The following CLYBL variants were observed in gnomAD, a reference collection of about 807,000 sequenced individuals.
The protein encoded by CLYBL is citramalyl-CoA lyase, mitochondrial.
In CLYBL, 31 loss-of-function variants were observed where a neutral mutation model predicts 38.9. The ratio of observed to expected loss-of-function variants is 0.80; its 90% CI spans 0.60 to 1.08. The LOEUF is 1.08. Ranked by LOEUF, CLYBL falls within the 50% of genes least tolerant of loss-of-function variation. CLYBL has a pLI of 0.00. For synonymous variants in CLYBL, 171 were observed against 158.6 expected, an observed-to-expected ratio of 1.08 and a Z score of -0.59; for missense variants, 434 against 411.6, an observed-to-expected ratio of 1.05 and a Z score of -0.47.
chr13:99,679,737 G>C (rs1234564451), intron 1 of CLYBL, among the ~76,000 whole-genome samples: 2 of 151,866 alleles, frequency 1.3e-5, no homozygotes, highest in Admixed American at 6.6e-5. Flanking sequence ...GGAGAGGGTG[G>C]GGGGGGAAAT....
At chr13:99,748,074 A>G (rs111813291) in intron 1 of CLYBL, among the ~76,000 whole-genome samples, 2 of 152,286 alleles carry the variant, frequency 1.3e-5, no homozygotes, top group African/African-American at 4.8e-5. Flanking sequence ...AACTGAAACT[A>G]TACCCATTAG....
intron 1 of CLYBL, 77 bp downstream of exon 1, chr13:99,606,834 G>A: frequency 7.7e-7 from 1 of 1,302,068 alleles, no homozygotes; most frequent in Non-Finnish European, 9.7e-7. Flanking sequence ...CCCGCGGGCC[G>A]GGCGCGGCCT....
chr13:99,825,193 G>C (rs1041581166), intron 2 of CLYBL, among the ~76,000 whole-genome samples: 7 of 152,174 alleles, frequency 4.6e-5, no homozygotes, highest in Non-Finnish European at 1.0e-4. Context: ...ACAAGCCCTG[G>C]GGGAGTCTGG....
rs1167805208 is a variant in CLYBL, at chr13:99,875,532, G to A, written c.927+4470G>A. 4.6e-5 allele frequency among the ~76,000 whole-genome samples: 7 copies of A among 152,146 alleles called. No individual in the cohort carries two copies. The South Asian group carries it at 1.0e-3, about 22-fold the overall frequency. On this transcript the variant is annotated intron_variant, in intron 7 of 8. Transcript: ENST00000339105. Reference sequence around the variant, plus strand: ...AAAGAAATATTGCTTGGTCCAGATGGCCTTCTAGAAGCCTCCCTGAGAGAA... The same window carrying A: ...AAAGAAATATTGCTTGGTCCAGATGACCTTCTAGAAGCCTCCCTGAGAGAA...
chr13:99,829,095 G>A (rs1447555209), intron 2 of CLYBL, among the ~76,000 whole-genome samples: 1 of 152,302 alleles, frequency 6.6e-6, no homozygotes, highest in Non-Finnish European at 1.5e-5. Flanking sequence ...CCCAGGTAAC[G>A]CCCTCCAAAA....
At chr13:99,881,961 T>C (rs187148529) in intron 7 of CLYBL, among the ~76,000 whole-genome samples, 14 of 152,362 alleles carry the variant, frequency 9.2e-5, no homozygotes, top group Non-Finnish European at 5.9e-5. Context: ...TAGTTTACTT[T>C]TGCCCAAATT....
chr13:99,675,534 C>T (rs1015074909), intron 1 of CLYBL, among the ~76,000 whole-genome samples: 1 of 152,158 alleles, frequency 6.6e-6, no homozygotes, highest in African/African-American at 2.4e-5. Flanking sequence ...CCTTTTCCCC[C>T]AAAACCCTCA....
chr13:99,616,016 T>G (rs1464706898), intron 1 of CLYBL, among the ~76,000 whole-genome samples: 1 of 152,050 alleles, frequency 6.6e-6, no homozygotes, highest in African/African-American at 2.4e-5. Flanking sequence ...TTATTTTTAT[T>G]TTTTATTTTT....
At chr13:99,696,009 A>G (rs1262027059) in intron 1 of CLYBL, among the ~76,000 whole-genome samples, 4 of 152,186 alleles carry the variant, frequency 2.6e-5, no homozygotes, top group Admixed American at 6.5e-5. Flanking sequence ...AACAAAGAAC[A>G]AAGAAAGCCT....
intron 1 of CLYBL, among the ~76,000 whole-genome samples, chr13:99,681,456 C>T (rs1417149338): frequency 6.6e-6 from 1 of 151,924 alleles, no homozygotes; most frequent in Non-Finnish European, 1.5e-5. Flanking sequence ...TGTATTTATA[C>T]ATATGGAGAG....
intron 1 of CLYBL, among the ~76,000 whole-genome samples, chr13:99,754,416 CAAAA>C (rs1172376194): frequency 1.7e-4 from 12 of 71,882 alleles, no homozygotes; most frequent in South Asian, 5.6e-4. Flanking sequence ...GACCCTGTCT[CAAAA>C]AAAAAAAAAA....
intron 1 of CLYBL, among the ~76,000 whole-genome samples, chr13:99,761,563 T>C (rs138016207): frequency 2.4e-4 from 37 of 152,348 alleles, no homozygotes; most frequent in African/African-American, 8.9e-4. Flanking sequence ...AGTTTCTTTA[T>C]GCATTGATAG....
At chr13:99,612,011 G>A (rs2046633526) in intron 1 of CLYBL, among the ~76,000 whole-genome samples, 1 of 152,150 alleles carries the variant, frequency 6.6e-6, no homozygotes, top group Non-Finnish European at 1.5e-5. Context: ...CATCACTACA[G>A]TCCAATGTTA....
intron 1 of CLYBL, among the ~76,000 whole-genome samples, chr13:99,673,149 T>G (rs1208864418): frequency 1.3e-5 from 2 of 152,116 alleles, no homozygotes; most frequent in African/African-American, 4.8e-5. Context: ...CATGGTAGCT[T>G]AGCCTGTAAT....
chr13:99,632,629 C>T (rs2046961364), intron 1 of CLYBL, among the ~76,000 whole-genome samples: 1 of 152,108 alleles, frequency 6.6e-6, no homozygotes, highest in Non-Finnish European at 1.5e-5. Flanking sequence ...CCTGTAGTCC[C>T]AGCTATTCAA....
At chr13:99,612,202 G>T (rs570171269) in intron 1 of CLYBL, among the ~76,000 whole-genome samples, 1 of 151,964 alleles carries the variant, frequency 6.6e-6, no homozygotes, top group South Asian at 2.1e-4. Context: ...CACCTGGCTT[G>T]AGTTATTTTG....
intron 1 of CLYBL, among the ~76,000 whole-genome samples, chr13:99,696,543 T>C (rs1373279243): frequency 1.3e-5 from 2 of 152,134 alleles, no homozygotes; most frequent in Non-Finnish European, 2.9e-5. Flanking sequence ...GTAAAAGTTA[T>C]TGAAATTTAA....
downstream of CLYBL, among the ~76,000 whole-genome samples, chr13:99,900,702 C>G (rs1164864734): frequency 6.6e-6 from 1 of 152,176 alleles, no homozygotes; most frequent in Non-Finnish European, 1.5e-5. Context: ...CTCCCTCGAG[C>G]TCCTCAGATT....
intron 2 of CLYBL, among the ~76,000 whole-genome samples, chr13:99,784,294 A>G (rs1380037907): frequency 6.6e-6 from 1 of 152,002 alleles, no homozygotes; most frequent in Non-Finnish European, 1.5e-5. Context: ...GGGAGTCTCA[A>G]TTTACTCTCT....
Sources: allele counts gnomAD v4.1 joint callset (sites outside exome capture counted in the v4.1 genomes callset), GRCh38; gene constraint gnomAD v4.1.1; transcripts MANE v1.5; gene names NCBI Gene and HGNC (gene_info 2026-07-23, HGNC 2026-07-21).